CSMD3: variants seen among roughly 807,000 people sequenced by gnomAD.
CSMD3 encodes CUB and sushi domain-containing protein 3.
In CSMD3, 177 loss-of-function variants were observed where a neutral mutation model predicts 435.2. The ratio of observed to expected loss-of-function variants is 0.41; its 90% CI spans 0.36 to 0.46. The LOEUF (loss-of-function observed/expected upper bound fraction) is 0.46, where lower values mean the gene tolerates loss of function less well. Ranked by LOEUF, CSMD3 falls within the 20% of genes least tolerant of loss-of-function variation. The probability of loss-of-function intolerance (pLI) is 0.34; values close to 1 mark genes in which losing one functional copy is unlikely to be tolerated. For missense variants in CSMD3, 4,265 were observed against 4,504.6 expected (o/e 0.95, Z 1.52); for synonymous variants, 1,656 against 1,520.5 (o/e 1.09, Z -2.07).
chr8:112,421,421 G>T (rs1218511312), intron 32 of CSMD3, among the ~76,000 whole-genome samples: 1 of 151,684 alleles, frequency 6.6e-6, no homozygotes, highest in South Asian at 2.1e-4. Flanking sequence ...GCACGTGCCT[G>T]TAGTCCCAGC....
At position 113,325,297 on chromosome 8, in the gene CSMD3, C is replaced by A. The variant is rs576150441; in HGVS notation, c.179-10504G>T. 1.1e-3 allele frequency among the ~76,000 whole-genome samples: 160 copies of A among 152,204 alleles called. 1 individual carries two copies. Among genetic ancestry groups the A allele is most frequent in the Non-Finnish European group, 2.1e-3 (140 of 68,000 alleles). On this transcript the variant is annotated intron_variant, in intron 1 of 70. Transcript: ENST00000297405. ...CCCACCCAAATCTCATCTTGAATTC[C>A]CACATGTTGTGGGAGGTACCCAGTG...
chr8:112,836,853 A>G (rs2080040406), intron 11 of CSMD3, among the ~76,000 whole-genome samples: 1 of 151,832 alleles, frequency 6.6e-6, no homozygotes, highest in Admixed American at 6.6e-5. Context: ...TTCTCAGTTT[A>G]AAGGAATGCT....
intron 45 of CSMD3, among the ~76,000 whole-genome samples, chr8:112,326,997 G>T (rs992945710): frequency 6.6e-6 from 1 of 152,074 alleles, no homozygotes; most frequent in Non-Finnish European, 1.5e-5. Context: ...ACTCCAGCCT[G>T]GGCGACAGAG....
chr8:113,377,209 C>G, intron 1 of CSMD3: 1 of 1,052,056 alleles, frequency 9.5e-7, no homozygotes, highest in Non-Finnish European at 1.2e-6. Context: ...AGTTCGAGCG[C>G]GCGAGAGACC....
At chr8:112,292,997 T>A (rs1430199808) in intron 54 of CSMD3, among the ~76,000 whole-genome samples, 1 of 152,092 alleles carries the variant, frequency 6.6e-6, no homozygotes, top group Non-Finnish European at 1.5e-5. Flanking sequence ...ACCTATTTCA[T>A]CCTTTCTCTC....
chr8:113,252,888 G>C (rs2093346817), intron 3 of CSMD3, among the ~76,000 whole-genome samples: 1 of 152,044 alleles, frequency 6.6e-6, no homozygotes, highest in Admixed American at 6.6e-5. Flanking sequence ...ACATTGCAAA[G>C]AATCAATGCT....
At chr8:112,390,625 C>T (rs755793938) in intron 36 of CSMD3, 39 bp downstream of exon 36, 86 of 1,547,162 alleles carry the variant, frequency 5.6e-5, no homozygotes, top group Admixed American at 1.0e-4. Flanking sequence ...ATTAACTACA[C>T]ACATACAATG....
chr8:112,368,272 C>T (rs1827981173), intron 38 of CSMD3, among the ~76,000 whole-genome samples: 1 of 152,160 alleles, frequency 6.6e-6, no homozygotes, highest in Admixed American at 6.6e-5. Flanking sequence ...CTCTGTTCAT[C>T]ACCTAAATTA....
intron 5 of CSMD3, among the ~76,000 whole-genome samples, chr8:113,070,212 G>A (rs185157542): frequency 1.2e-4 from 18 of 152,156 alleles, no homozygotes; most frequent in Admixed American, 8.5e-4. Flanking sequence ...ATCTCCAAGA[G>A]GGCAAAATCA....
At chr8:113,019,253 C>T in intron 5 of CSMD3, 74 bp from the exon 6 acceptor site, 1 of 891,384 alleles carries the variant, frequency 1.1e-6, no homozygotes, top group Non-Finnish European at 1.9e-6. Context: ...AAATTGGGAC[C>T]AAACAAATGT....
chr8:113,045,462 C>T (rs1203676551), intron 5 of CSMD3, among the ~76,000 whole-genome samples: 3 of 149,396 alleles, frequency 2.0e-5, no homozygotes, highest in Admixed American at 2.0e-4. Context: ...TATGTAAAAG[C>T]AGCTGGTCTA....
At chr8:112,321,783 C>T (rs762408464) in intron 45 of CSMD3, among the ~76,000 whole-genome samples, 2 of 152,064 alleles carry the variant, frequency 1.3e-5, no homozygotes, top group African/African-American at 2.4e-5. Context: ...TGTTAACTTG[C>T]AAGTAAAACA....
At chr8:112,777,162 G>T (rs1008178187) in intron 13 of CSMD3, among the ~76,000 whole-genome samples, 1 of 151,758 alleles carries the variant, frequency 6.6e-6, no homozygotes, top group African/African-American at 2.4e-5. Flanking sequence ...TTACAAATAC[G>T]TGTTATTGAT....
chr8:112,234,156 A>G (rs1813353011), intron 68 of CSMD3, among the ~76,000 whole-genome samples: 1 of 151,484 alleles, frequency 6.6e-6, no homozygotes, highest in Admixed American at 6.6e-5. Context: ...CCACCACCAC[A>G]CACACACACA....
chr8:113,234,467 A>G (rs951923194), intron 3 of CSMD3, among the ~76,000 whole-genome samples: 1 of 152,138 alleles, frequency 6.6e-6, no homozygotes, highest in Non-Finnish European at 1.5e-5. Flanking sequence ...GCTAAGTGCC[A>G]GTCTCTATAA....
intron 5 of CSMD3, among the ~76,000 whole-genome samples, chr8:113,079,642 T>C (rs1334528994): frequency 1.3e-5 from 2 of 152,130 alleles, no homozygotes; most frequent in Admixed American, 6.5e-5. Context: ...GGACAAATCA[T>C]GTAGACATGA....
At chr8:113,353,919 C>G (rs1480152440) in intron 1 of CSMD3, among the ~76,000 whole-genome samples, 2 of 152,068 alleles carry the variant, frequency 1.3e-5, no homozygotes, top group Non-Finnish European at 2.9e-5. Context: ...CAGTGACCTA[C>G]TTAGCTTTTT....
intron 38 of CSMD3, among the ~76,000 whole-genome samples, chr8:112,355,137 T>C (rs947618664): frequency 6.6e-6 from 1 of 152,234 alleles, no homozygotes; most frequent in Non-Finnish European, 1.5e-5. Flanking sequence ...CTAGGATAAC[T>C]GGCTAGCCAT....
At position 113,278,535 on chromosome 8, in the gene CSMD3, A is replaced by C. The variant is rs1412666578; in HGVS notation, c.514+57T>G. ...ATGTTGATTCTTCTTTCCTACTTGAAAAATTTTGTTAGATTACATTAAGGG... is the reference window on the plus strand; with the variant it reads ...ATGTTGATTCTTCTTTCCTACTTGACAAATTTTGTTAGATTACATTAAGGG... On this transcript the variant is annotated intron_variant, in intron 3 of 70. Coordinates refer to ENST00000297405, the MANE Select transcript of CSMD3 (RefSeq NM_198123.2). 114 of 826,264 alleles carry C rather than the reference A, an allele frequency of 1.4e-4. 3 individuals carry two copies. In the South Asian group the frequency reaches 1.4e-3, roughly 10 times the overall value. The allele number at this position is 826,264 out of a possible 1,614,324, so 51.2% of individuals were successfully genotyped here. A position where few individuals can be genotyped will look rare whatever the true frequency, so the allele number is the denominator to read the frequency against.
Sources: allele counts gnomAD v4.1 joint callset (sites outside exome capture counted in the v4.1 genomes callset), GRCh38; gene constraint gnomAD v4.1.1; transcripts MANE v1.5; gene names NCBI Gene and HGNC (gene_info 2026-07-23, HGNC 2026-07-21).